PDE1A: variants seen among roughly 807,000 people sequenced by gnomAD.
PDE1A encodes the protein dual specificity calcium/calmodulin-dependent 3',5'-cyclic nucleotide phosphodiesterase 1A.
Under a neutral mutation model 61.7 loss-of-function variants are expected in PDE1A, and 35 were observed. The ratio of observed to expected loss-of-function variants is 0.57; its 90% CI spans 0.43 to 0.75. The LOEUF is 0.75. Ranked by LOEUF, PDE1A falls within the 30% of genes least tolerant of loss-of-function variation. The pLI is 0.00. For missense variants in PDE1A, 597 were observed against 630.6 expected (o/e 0.95, Z 0.57); for synonymous variants, 232 against 213.2 (o/e 1.09, Z -0.77).
Position 182,218,798 on chromosome 2 carries a change from T to C in PDE1A, c.776+5066A>G, listed in dbSNP as rs575106698. 2.6e-5 allele frequency among the ~76,000 whole-genome samples: 4 copies of C among 152,260 alleles called. No individual in the cohort carries two copies. The South Asian group carries it at 6.2e-4, about 24-fold the overall frequency. On this transcript the variant is annotated intron_variant, in intron 7 of 13. Coordinates refer to ENST00000351439, the Ensembl canonical transcript of PDE1A. ...TTATGAATGTTGAGCCAGACTTGCA[T>C]ACCTGGGATAAACCCCACTTAGTTG...
At chr2:182,170,332 A>T (rs1692081358) in intron 13 of PDE1A, among the ~76,000 whole-genome samples, 1 of 152,062 alleles carries the variant, frequency 6.6e-6, no homozygotes, top group Non-Finnish European at 1.5e-5. Flanking sequence ...ATGATAAAAA[A>T]TTTCACTCCC....
At chr2:182,593,444 C>T in the PDE1A span, among the ~76,000 whole-genome samples, 1 of 152,150 alleles carries the variant, frequency 6.6e-6, no homozygotes, top group Non-Finnish European at 1.5e-5. Context: ...CATATAGAAG[C>T]CCCATCAATC....
At chr2:182,379,829 C>T (rs996960577) in intron 1 of PDE1A, among the ~76,000 whole-genome samples, 3 of 152,082 alleles carry the variant, frequency 2.0e-5, no homozygotes, top group Non-Finnish European at 4.4e-5. Flanking sequence ...TTCTATTGTT[C>T]TATTCCATCC....
the PDE1A span, among the ~76,000 whole-genome samples, chr2:182,660,579 G>T: frequency 1.3e-5 from 2 of 152,182 alleles, no homozygotes; most frequent in African/African-American, 2.4e-5. Context: ...CTAATCAGGT[G>T]ATCCCTTCAA....
intron 2 of PDE1A, among the ~76,000 whole-genome samples, chr2:182,480,982 C>T (rs1687665288): frequency 6.6e-6 from 1 of 151,814 alleles, no homozygotes; most frequent in Non-Finnish European, 1.5e-5. Context: ...GGATCTGGTG[C>T]TGGGAAGGAA....
chr2:182,466,504 A>G (rs1003019259), intron 2 of PDE1A, among the ~76,000 whole-genome samples: 1 of 152,086 alleles, frequency 6.6e-6, no homozygotes, highest in African/African-American at 2.4e-5. Flanking sequence ...ACAAATGTGA[A>G]GGTATAGTAA....
the PDE1A span, among the ~76,000 whole-genome samples, chr2:182,644,944 T>C: frequency 6.6e-6 from 1 of 151,854 alleles, no homozygotes; most frequent in African/African-American, 2.4e-5. Context: ...TAAAATGAAA[T>C]TAATTATTTC....
At chr2:182,686,932 C>T in the PDE1A span, among the ~76,000 whole-genome samples, 5 of 152,222 alleles carry the variant, frequency 3.3e-5, no homozygotes, top group African/African-American at 1.2e-4. Context: ...TCGCTCAGTG[C>T]TAGCAAAGCA....
chr2:182,251,323 A>G (rs1057309203), intron 2 of PDE1A, among the ~76,000 whole-genome samples: 8 of 152,166 alleles, frequency 5.3e-5, no homozygotes, highest in Non-Finnish European at 8.8e-5. Context: ...CTCATTTACA[A>G]CTTGGAACAA....
the PDE1A span, among the ~76,000 whole-genome samples, chr2:182,687,643 A>T: frequency 6.6e-6 from 1 of 152,232 alleles, no homozygotes; most frequent in Admixed American, 6.5e-5. Flanking sequence ...CTCCAAAGGA[A>T]CGCAGCTCCT....
At chr2:182,360,254 T>C (rs1006188714) in intron 1 of PDE1A, among the ~76,000 whole-genome samples, 13 of 152,240 alleles carry the variant, frequency 8.5e-5, no homozygotes, top group African/African-American at 3.1e-4. Context: ...GGAAGAACTG[T>C]TGTGTTTTAC....
At chr2:182,507,390 T>C (rs1689479993) in intron 2 of PDE1A, among the ~76,000 whole-genome samples, 1 of 152,198 alleles carries the variant, frequency 6.6e-6, no homozygotes, top group Non-Finnish European at 1.5e-5. Context: ...ACATGTCCGG[T>C]AGTTAACTGT....
At chr2:182,264,450 A>G in intron 1 of PDE1A, 36 bp from the exon 2 acceptor site, 1 of 1,464,752 alleles carries the variant, frequency 6.8e-7, no homozygotes. Flanking sequence ...AGAAAGAGCA[A>G]GGAATTTATT....
chr2:182,177,744 T>C (rs938323572), intron 13 of PDE1A, among the ~76,000 whole-genome samples: 1 of 134,918 alleles, frequency 7.4e-6, no homozygotes, highest in African/African-American at 3.4e-5. Context: ...AATAAAAAAA[T>C]GTCTTTTTTG....
At chr2:182,507,637 G>A (rs1689495725) in intron 2 of PDE1A, among the ~76,000 whole-genome samples, 1 of 152,022 alleles carries the variant, frequency 6.6e-6, no homozygotes, top group Non-Finnish European at 1.5e-5. Context: ...AATGGATACA[G>A]GAAATCATGA....
At chr2:182,701,804 T>C in the PDE1A span, among the ~76,000 whole-genome samples, 2 of 152,230 alleles carry the variant, frequency 1.3e-5, no homozygotes, top group Non-Finnish European at 2.9e-5. Context: ...CTGTAGTCTC[T>C]AGGATCTACT....
chr2:182,597,539 TG>T, the PDE1A span, among the ~76,000 whole-genome samples: 1 of 151,820 alleles, frequency 6.6e-6, no homozygotes, highest in Non-Finnish European at 1.5e-5. Context: ...CTGAGAGGTG[TG>T]GGGGAAAGGG....
chr2:182,499,183 T>TGTTG (rs751136401), intron 2 of PDE1A, among the ~76,000 whole-genome samples: 1 of 136,196 alleles, frequency 7.3e-6, no homozygotes, highest in Non-Finnish European at 1.6e-5. Flanking sequence ...GTTTTTTTTT[T>TGTTG]TTTTTTTTTT....
At chr2:182,225,761 T>A (rs1305337012) in intron 6 of PDE1A, among the ~76,000 whole-genome samples, 3 of 150,360 alleles carry the variant, frequency 2.0e-5, no homozygotes, top group Non-Finnish European at 2.9e-5. Context: ...ACTTACTATG[T>A]TAAATGAATT....
Sources: gnomAD v4.1 joint callset for allele counts (sites outside exome capture counted in the v4.1 genomes callset) on GRCh38, gnomAD v4.1.1 for gene constraint, MANE v1.5 for transcripts, NCBI Gene and HGNC (gene_info 2026-07-23, HGNC 2026-07-21) for gene names.